VOPP1: variants seen among roughly 807,000 people sequenced by gnomAD.
VOPP1 encodes the protein WW domain binding protein VOPP1.
Under a neutral mutation model 23.5 loss-of-function variants are expected in VOPP1, and 8 were observed. That is an observed-to-expected ratio of 0.34 (90% CI 0.20 to 0.61). The LOEUF (loss-of-function observed/expected upper bound fraction) is 0.61. Ranked by LOEUF, VOPP1 falls within the 20% of genes least tolerant of loss-of-function variation. The probability of loss-of-function intolerance (pLI) is 0.78; values close to 1 mark genes in which losing one functional copy is unlikely to be tolerated. For missense variants in VOPP1, 174 were observed against 238.1 expected (o/e 0.73, Z 1.77); for synonymous variants, 83 against 97.3 (o/e 0.85, Z 0.86).
chr7:55,449,701 A>G (rs116053990), intron 4 of VOPP1, among the ~76,000 whole-genome samples: 27,433 of 152,136 alleles, frequency 0.18, 2,629 homozygotes, highest in Middle Eastern at 0.28. Context: ...CGTTCTGGCC[A>G]CCGAGCCTGT....
chr7:55,461,144 C>G (rs1791490153), intron 4 of VOPP1, among the ~76,000 whole-genome samples: 1 of 151,976 alleles, frequency 6.6e-6, no homozygotes, highest in South Asian at 2.1e-4. Context: ...AATGGAAAAC[C>G]AAACACCATA....
intron 3 of VOPP1, among the ~76,000 whole-genome samples, chr7:55,497,396 C>G (rs1445647662): frequency 6.6e-6 from 1 of 152,208 alleles, no homozygotes; most frequent in Non-Finnish European, 1.5e-5. Flanking sequence ...TCTTCCCACT[C>G]CAAAATCCGT....
chr7:55,480,555 A>T (rs1227524336), intron 4 of VOPP1, among the ~76,000 whole-genome samples: 1 of 152,228 alleles, frequency 6.6e-6, no homozygotes, highest in Non-Finnish European at 1.5e-5. Flanking sequence ...TTTTACAATT[A>T]ATTTGTATTT....
Position 55,522,764 on chromosome 7 carries a change from C to A in VOPP1, c.55-1634G>T, listed in dbSNP as rs1053511782. On this transcript the variant is annotated intron_variant, in intron 1 of 4. Transcript: ENST00000285279. ...GCAGAGACAGGCCACAGCCACGCAGCGAGAGCCAGGTGCAAAGGGCTGGCA... is the reference window on the plus strand; with the variant it reads ...GCAGAGACAGGCCACAGCCACGCAGAGAGAGCCAGGTGCAAAGGGCTGGCA... 2.6e-5 allele frequency among the ~76,000 whole-genome samples: 4 copies of A among 152,310 alleles called. No individual in the cohort carries two copies. The South Asian group carries it at 6.2e-4, about 24-fold the overall frequency.
intron 4 of VOPP1, among the ~76,000 whole-genome samples, chr7:55,491,787 T>C (rs1793586925): frequency 6.6e-6 from 1 of 152,260 alleles, no homozygotes; most frequent in African/African-American, 2.4e-5. Flanking sequence ...TCTTTGTAAG[T>C]ATTTGGAATA....
chr7:55,459,476 G>A (rs1370171190), intron 4 of VOPP1, among the ~76,000 whole-genome samples: 1 of 152,080 alleles, frequency 6.6e-6, no homozygotes, highest in Non-Finnish European at 1.5e-5. Context: ...AGGTTTGGTA[G>A]GGTTCAGCAA....
At chr7:55,435,961 C>G (rs1312286482), downstream of VOPP1, 1 of 152,322 alleles carries the variant, frequency 6.6e-6, no homozygotes, top group Non-Finnish European at 1.5e-5. Context: ...GAGCTGAGCT[C>G]AGACTCAGAG....
At chr7:55,515,818 C>T (rs769815615) in intron 2 of VOPP1, 3 of 224,484 alleles carry the variant, frequency 1.3e-5, no homozygotes, top group South Asian at 1.6e-4. Context: ...TGTGGACCTG[C>T]GTCTAGGCTC....
chr7:55,547,792 A>G lies in VOPP1; in HGVS notation c.54+24479T>C, dbSNP rs138029138. ...GGTGCCTGGTTCCCTCTTCCCCGCC[A>G]TATCTTTCACACAGCAAGATCTTTT... On this transcript the variant is annotated intron_variant, in intron 1 of 4. Transcript: ENST00000285279. Among the ~76,000 whole-genome samples the G allele has an allele frequency of 3.4e-3, 519 of 152,282 alleles. 3 individuals carry two copies. Among genetic ancestry groups the G allele is most frequent in the African/African-American group, 0.011 (476 of 41,556 alleles).
At chr7:55,548,944 C>T (rs572694304) in intron 1 of VOPP1, among the ~76,000 whole-genome samples, 9 of 152,306 alleles carry the variant, frequency 5.9e-5, no homozygotes, top group African/African-American at 2.2e-4. Context: ...TCATTTATAT[C>T]TAGGAAGAGC....
chr7:55,479,982 G>A (rs114314747), intron 4 of VOPP1, among the ~76,000 whole-genome samples: 1,886 of 152,256 alleles, frequency 0.012, 47 homozygotes, highest in African/African-American at 0.043. Context: ...TGTTAATTGC[G>A]TGCCTAAAAT....
chr7:55,494,149 G>A (rs1793779428), intron 3 of VOPP1, among the ~76,000 whole-genome samples: 3 of 152,236 alleles, frequency 2.0e-5, no homozygotes, highest in Admixed American at 2.0e-4. Context: ...GTTCAGGAGT[G>A]TGGTGATGTA....
intron 4 of VOPP1, among the ~76,000 whole-genome samples, chr7:55,479,772 G>A (rs565139672): frequency 9.9e-4 from 151 of 152,292 alleles, no homozygotes; most frequent in Admixed American, 1.6e-3. Context: ...CCGTTCAAAA[G>A]GCATAGCTGG....
intron 3 of VOPP1, among the ~76,000 whole-genome samples, chr7:55,494,576 A>G (rs1017227982): frequency 3.9e-5 from 6 of 152,212 alleles, no homozygotes; most frequent in African/African-American, 1.4e-4. Flanking sequence ...CACGGGATCC[A>G]CTTCATCCCT....
intron 1 of VOPP1, among the ~76,000 whole-genome samples, chr7:55,534,420 T>C (rs1195567508): frequency 6.6e-6 from 1 of 152,220 alleles, no homozygotes; most frequent in Non-Finnish European, 1.5e-5. Context: ...CAGCTGCGTG[T>C]AGGGAGCGGG....
chr7:55,565,200 G>A (rs963033653), intron 1 of VOPP1, among the ~76,000 whole-genome samples: 7 of 152,148 alleles, frequency 4.6e-5, no homozygotes, highest in African/African-American at 1.7e-4. Context: ...CCTTCTGCAA[G>A]GCCTCTTCTC....
At chr7:55,521,446 A>C (rs117641691) in intron 1 of VOPP1, 9,816 of 795,234 alleles carry the variant, frequency 0.012, 72 homozygotes, top group Middle Eastern at 0.018. Context: ...TCAGATTACA[A>C]AAGAATGCTA....
intron 1 of VOPP1, among the ~76,000 whole-genome samples, chr7:55,547,549 A>G (rs1797421038): frequency 6.6e-6 from 1 of 152,210 alleles, no homozygotes; most frequent in Non-Finnish European, 1.5e-5. Flanking sequence ...ACCTTTACAG[A>G]GAGCTCTGGA....
chr7:55,511,636 T>C (rs1043498052), intron 2 of VOPP1, among the ~76,000 whole-genome samples: 11 of 152,230 alleles, frequency 7.2e-5, no homozygotes, highest in African/African-American at 2.7e-4. Flanking sequence ...TAGATGCATA[T>C]TCTGATTGCC....
Sources: gnomAD v4.1 joint callset for allele counts (sites outside exome capture counted in the v4.1 genomes callset) on GRCh38, gnomAD v4.1.1 for gene constraint, MANE v1.5 for transcripts, NCBI Gene and HGNC (gene_info 2026-07-23, HGNC 2026-07-21) for gene names.